BTNL3: variants seen among roughly 807,000 people sequenced by gnomAD.
BTNL3 encodes butyrophilin like 3.
Under a neutral mutation model 40.1 loss-of-function variants are expected in BTNL3, and 20 were observed. The ratio of observed to expected loss-of-function variants is 0.50; its 90% confidence interval spans 0.35 to 0.72. The LOEUF (loss-of-function observed/expected upper bound fraction) is 0.72, where lower values mean the gene tolerates loss of function less well. Ranked by LOEUF, BTNL3 falls within the 30% of genes least tolerant of loss-of-function variation. The probability of loss-of-function intolerance (pLI) is 0.01; values close to 1 mark genes in which losing one functional copy is unlikely to be tolerated. For synonymous variants in BTNL3, 179 were observed against 222.1 expected, an observed-to-expected ratio of 0.81 and a Z score of 1.73; for missense variants, 449 against 582.2, an observed-to-expected ratio of 0.77 and a Z score of 2.35.
Position 180,995,848 on chromosome 5 carries a change from G to A in BTNL3, c.398-1365G>A, listed in dbSNP as rs560950813. ...CTGCTGTGTTTTTTTTCTACTCCTG[G>A]GGTCCCTAGTCAGTCCTCCTTAGTC... On this transcript the variant is annotated intron_variant, in intron 2 of 7. Coordinates refer to ENST00000342868, the MANE Select transcript of BTNL3 (RefSeq NM_197975.3). Among the ~76,000 whole-genome samples, 5 of 135,020 alleles carry A rather than the reference G, an allele frequency of 3.7e-5. 1 individual carries two copies. In the East Asian group the frequency reaches 8.9e-4, roughly 24 times the overall value. 88.6% of individuals were successfully genotyped at this position (135,020 alleles called of 152,430 possible). A position where few individuals can be genotyped will look rare whatever the true frequency, so the allele number is the denominator to read the frequency against.
chr5:181,000,500 A>G (rs2113083443), intron 3 of BTNL3, among the ~76,000 whole-genome samples: 1 of 137,308 alleles, frequency 7.3e-6, no homozygotes, highest in South Asian at 2.2e-4. Context: ...ATTATACATA[A>G]TGTGTCATTT....
At chr5:180,999,754 C>T (rs984619826) in intron 3 of BTNL3, among the ~76,000 whole-genome samples, 3 of 136,630 alleles carry the variant, frequency 2.2e-5, no homozygotes, top group South Asian at 4.4e-4. Flanking sequence ...GAGCTGAGAT[C>T]GCCCCACTGT....
chr5:180,988,898 A>G lies in BTNL3; in HGVS notation c.-131A>G. 9.4e-7 allele frequency: 1 copy of G among 1,066,658 alleles called. No homozygotes were observed. Among genetic ancestry groups the G allele is most frequent in the South Asian group, 1.4e-5 (1 of 70,190 alleles). The allele number at this position is 1,066,658 out of a possible 1,614,324, so 66.1% of individuals were successfully genotyped here. ...AGGGAGGCTCTAGGGAGAAATGCAC[A>G]GTTTGACATCGTTCATGAAGAGCCT... is the stretch of plus-strand genomic sequence containing the variant. On this transcript the variant is annotated 5_prime_UTR_variant, in exon 1 of 8. Coordinates refer to ENST00000342868, the MANE Select transcript of BTNL3 (RefSeq NM_197975.3).
chr5:180,993,711 C>T (rs1423319261), intron 2 of BTNL3, among the ~76,000 whole-genome samples: 2 of 137,022 alleles, frequency 1.5e-5, no homozygotes, highest in African/African-American at 5.0e-5. Flanking sequence ...ATAACATTGC[C>T]TTGAGTATTT....
intron 3 of BTNL3, among the ~76,000 whole-genome samples, chr5:180,997,723 C>A (rs1760053397): frequency 7.3e-6 from 1 of 137,048 alleles, no homozygotes; most frequent in Non-Finnish European, 1.7e-5. Context: ...CACAATACCC[C>A]CATGGTGCAA....
Position 180,997,379 on chromosome 5 carries a change from G to C in BTNL3, c.564G>C (p.Leu188=). The change falls in exon 3 of 8, where the codon CTG becomes CTC. Residue 188 remains leucine (L), a synonymous_variant. Transcript: ENST00000342868. ...DSRANADGYS[L]YDVEISIIVQ... The stretch of plus-strand genomic sequence containing the variant: ...GAGCAAATGCAGATGGGTACAGCCT[G>C]TATGATGTGGAGATCTCCATTATAG... 1 of 1,463,980 alleles carries C rather than the reference G, an allele frequency of 6.8e-7. No homozygotes were observed. Among genetic ancestry groups the C allele is most frequent in the South Asian group, 1.1e-5 (1 of 89,310 alleles). 90.7% of individuals were successfully genotyped at this position (1,463,980 alleles called of 1,614,324 possible). A position where few individuals can be genotyped will look rare whatever the true frequency, so the allele number is the denominator to read the frequency against.
At position 180,999,625 on chromosome 5, in the gene BTNL3, C is replaced by A. The variant is rs1183575096; in HGVS notation, c.673+2137C>A. On this transcript the variant is annotated intron_variant, in intron 3 of 7. Transcript: ENST00000342868. ...GACCAGCCTGCCCAACATGGCGAAA[C>A]CCCATCTCTACTAAAAATACAAAAA... 2.2e-5 allele frequency among the ~76,000 whole-genome samples: 3 copies of A among 135,894 alleles called. 1 individual carries two copies. In the East Asian group the frequency reaches 6.5e-4, roughly 30 times the overall value. 89.2% of individuals were successfully genotyped at this position (135,894 alleles called of 152,430 possible).
Position 180,997,246 on chromosome 5 carries a change from G to C in BTNL3, c.431G>C (p.Gly144Ala), listed in dbSNP as rs1760046938. Residue 144 changes from glycine to alanine, a missense_variant, in exon 3 of 8, where the codon GGA (glycine) becomes GCA (alanine). Gly to Ala is a moderately conservative substitution (Grantham distance 60). Coordinates refer to ENST00000342868, the MANE Select transcript of BTNL3 (RefSeq NM_197975.3). ...LGSLPLISIV[G>A]YVDGGIQLLC... ...TCACTTCCTCTCATTTCCATCGTGG[G>C]ATATGTTGACGGAGGTATCCAGTTA... 6.8e-7 allele frequency: 1 copy of C among 1,464,324 alleles called. No individual in the cohort carries two copies. The highest frequency in any genetic ancestry group is 1.9e-5 in the Admixed American group (1 of 53,448). The allele number at this position is 1,464,324 out of a possible 1,614,324, so 90.7% of individuals were successfully genotyped here.
At chr5:180,999,405 A>T (rs569169003) in intron 3 of BTNL3, among the ~76,000 whole-genome samples, 1 of 137,500 alleles carries the variant, frequency 7.3e-6, no homozygotes, top group South Asian at 2.2e-4. Flanking sequence ...AATAACAAGA[A>T]GGCACAACTA....
At position 181,002,692 on chromosome 5, in the gene BTNL3, C is replaced by G. The variant is rs762388410; in HGVS notation, c.694C>G (p.Pro232Ala). 40 of 1,455,874 alleles carry G rather than the reference C, an allele frequency of 2.7e-5. 10 individuals are homozygous for G. The highest frequency in any genetic ancestry group is 2.1e-4 in the Admixed American group (11 of 52,392). 90.2% of individuals were successfully genotyped at this position (1,455,874 alleles called of 1,614,324 possible). Residue 232 changes from proline (P) to alanine (A), a missense_variant, in exon 4 of 8, where the codon CCT becomes GCT. Around this residue, in one of 2 missense-constraint regions of BTNL3, gnomAD observed 323 missense variants for 464.9 expected, o/e 0.69. Coordinates refer to ENST00000342868, the MANE Select transcript of BTNL3 (RefSeq NM_197975.3). ...TTCAGAGACGTTTTTCCAGCCCTCA[C>G]CTTGGCGCCTGGCTTCTATTTTACT... The part of the protein sequence containing the change: ...LIGETFFQPS[P>A]WRLASILLGL...
At chr5:180,995,830 GTTTT>G (rs1434840946) in intron 2 of BTNL3, among the ~76,000 whole-genome samples, 1 of 134,764 alleles carries the variant, frequency 7.4e-6, no homozygotes, top group African/African-American at 2.5e-5. Flanking sequence ...CAGCTGCTGT[GTTTT>G]TTTTCTACTC....
At position 180,991,980 on chromosome 5, in the gene BTNL3, G is replaced by T. The variant is rs993678329; in HGVS notation, c.50-833G>T. The stretch of plus-strand genomic sequence containing the variant: ...TAAGAAAGTTTAAGAATTTGTGTTG[G>T]ACCGTATTCAAAGCCGTCCTGAGTC... On this transcript the variant is annotated intron_variant, in intron 1 of 7. Transcript: ENST00000342868. Among the ~76,000 whole-genome samples, 7 of 137,602 alleles carry T rather than the reference G, an allele frequency of 5.1e-5. 2 individuals are homozygous for T. Among genetic ancestry groups the T allele is most frequent in the South Asian group, 4.3e-4 (2 of 4,660 alleles). The allele number at this position is 137,602 out of a possible 152,430, so 90.3% of individuals were successfully genotyped here.
intron 3 of BTNL3, among the ~76,000 whole-genome samples, chr5:180,999,643 T>G (rs1760080070): frequency 7.4e-6 from 1 of 135,446 alleles, no homozygotes; most frequent in Admixed American, 7.8e-5. Flanking sequence ...CTACTAAAAA[T>G]ACAAAAATTA....
Position 181,006,064 on chromosome 5 carries a change from T to G in BTNL3, c.*192T>G. ...AGCAGCGGCAGTCACAGCTTCCAGATGAGGGGGGATTGGCCTGACCCTGTG... is the reference window on the plus strand; with the variant it reads ...AGCAGCGGCAGTCACAGCTTCCAGAGGAGGGGGGATTGGCCTGACCCTGTG... On this transcript the variant is annotated 3_prime_UTR_variant, in exon 8 of 8. Transcript: ENST00000342868. 1 of 621,300 alleles carries G rather than the reference T, an allele frequency of 1.6e-6. No homozygotes were observed. 38.5% of individuals were successfully genotyped at this position (621,300 alleles called of 1,614,324 possible). A position where few individuals can be genotyped will look rare whatever the true frequency, so the allele number is the denominator to read the frequency against.
intron 2 of BTNL3, among the ~76,000 whole-genome samples, chr5:180,996,337 T>G (rs1760034256): frequency 7.3e-6 from 1 of 136,172 alleles, no homozygotes; most frequent in South Asian, 2.2e-4. Flanking sequence ...CTTCAGTAGT[T>G]GCATGGCGGG....
intron 2 of BTNL3, among the ~76,000 whole-genome samples, chr5:180,994,807 G>A (rs549130394): frequency 1.5e-5 from 2 of 130,596 alleles, no homozygotes; most frequent in African/African-American, 5.2e-5. Context: ...TTATGAGATG[G>A]AGTCTCGCTC....
At position 181,005,505 on chromosome 5, in the gene BTNL3, T is replaced by C. The variant is rs921750116; in HGVS notation, c.1034T>C (p.Val345Ala). ...CAAGCAGGGAAACATTACTGGGAGGTGGACGTGGGACAAAATGTAGGGTGG... is the reference window on the plus strand; with the variant it reads ...CAAGCAGGGAAACATTACTGGGAGGCGGACGTGGGACAAAATGTAGGGTGG... The part of the protein sequence containing the change: ...GFQAGKHYWE[V>A]DVGQNVGWYV... Residue 345 changes from valine (V) to alanine (A), a missense_variant, in exon 8 of 8, where the codon GTG (valine) becomes GCG (alanine). Around this residue, in one of 2 missense-constraint regions of BTNL3, gnomAD observed 323 missense variants for 464.9 expected, o/e 0.69. Transcript: ENST00000342868. The C allele has an allele frequency of 6.2e-7, 1 of 1,613,594 alleles. No homozygotes were observed. The highest frequency in any genetic ancestry group is 8.5e-7 in the Non-Finnish European group (1 of 1,179,954).
chr5:181,006,255 AAG>A lies in BTNL3; in HGVS notation c.*387_*388del. 1 of 392,322 alleles carries A rather than the reference AAG, an allele frequency of 2.5e-6. No individual in the cohort carries two copies. The highest frequency in any genetic ancestry group is 3.7e-5 in the East Asian group (1 of 27,002). The allele number at this position is 392,322 out of a possible 1,614,324, so 24.3% of individuals were successfully genotyped here. A position where few individuals can be genotyped will look rare whatever the true frequency, so the allele number is the denominator to read the frequency against. On this transcript the variant is annotated 3_prime_UTR_variant, in exon 8 of 8. Transcript: ENST00000342868. ...ATTCCTGCCTCACAGGTGAAGATTA[AAG>A]AGACAACGAATGTGAATCATGCTTG... is the stretch of plus-strand genomic sequence containing the variant.
rs551511492 is a variant in BTNL3 at position 181,004,927 on chromosome 5, G to A, written c.862+165G>A. ...CTTGGCCCAGGACTTGGAGGGAAAA[G>A]CGTAGGGACTGGGTCAGCTAGGAGG... On this transcript the variant is annotated intron_variant, in intron 7 of 7. Coordinates refer to ENST00000342868, the MANE Select transcript of BTNL3 (RefSeq NM_197975.3). Among the ~76,000 whole-genome samples the A allele has an allele frequency of 2.0e-5, 3 of 152,280 alleles. No individual in the cohort carries two copies. The South Asian group carries it at 6.2e-4, about 32-fold the overall frequency.
Sources: gnomAD v4.1 joint callset for allele counts (sites outside exome capture counted in the v4.1 genomes callset) on GRCh38, gnomAD v4.1.1 for gene constraint, gnomAD v4.1.1 regional missense constraint, MANE v1.5 for transcripts, NCBI Gene and HGNC (gene_info 2026-07-23, HGNC 2026-07-21) for gene names.